Variants in MUSK observed in about 807,000 individuals in gnomAD.
MUSK encodes muscle associated receptor tyrosine kinase, also known as muscle, skeletal receptor tyrosine-protein kinase.
Under a neutral mutation model 88.7 loss-of-function variants are expected in MUSK, and 55 were observed. That is an observed-to-expected ratio of 0.62 (90% CI 0.50 to 0.78). MUSK has a LOEUF of 0.78. Among genes scored for constraint, MUSK ranks in the 30% least tolerant of loss-of-function variants. MUSK has a pLI of 0.00. For synonymous variants in MUSK, 387 were observed against 391.9 expected, an observed-to-expected ratio of 0.99 and a Z score of 0.15; for missense variants, 1,015 against 1,074.3, an observed-to-expected ratio of 0.94 and a Z score of 0.77.
At chr9:110,745,273 G>T (rs1179279068) in intron 6 of MUSK, among the ~76,000 whole-genome samples, 1 of 152,162 alleles carries the variant, frequency 6.6e-6, no homozygotes, top group Non-Finnish European at 1.5e-5. Context: ...ACCTTGAGGA[G>T]GTGTTTAAGA....
chr9:110,694,215 CAA>C (rs1217917603), intron 3 of MUSK, among the ~76,000 whole-genome samples: 2,514 of 72,058 alleles, frequency 0.035, 79 homozygotes, highest in African/African-American at 0.13. Flanking sequence ...ACTAAAAATA[CAA>C]AAAAAAAAAA....
intron 11 of MUSK, among the ~76,000 whole-genome samples, chr9:110,779,058 CTGTGTGTGTGTG>C (rs10680441): frequency 2.0e-5 from 3 of 149,616 alleles, no homozygotes; most frequent in Admixed American, 6.7e-5. Context: ...GTCAGTGTCT[CTGTGTGTGTGTG>C]TGTGTGTGTG....
intron 14 of MUSK, 73 bp downstream of exon 14, chr9:110,787,911 GT>G: frequency 6.6e-7 from 1 of 1,518,226 alleles, no homozygotes; most frequent in African/African-American, 1.4e-5. Context: ...CCCCTTGTTC[GT>G]GCTTTTTCCT....
At chr9:110,678,901 T>G (rs551196836) in intron 1 of MUSK, among the ~76,000 whole-genome samples, 1 of 135,540 alleles carries the variant, frequency 7.4e-6, no homozygotes, top group Admixed American at 7.2e-5. Context: ...ATTTTTTGTT[T>G]TTTTGCTATC....
At chr9:110,724,153 T>C (rs1460399654) in intron 5 of MUSK, among the ~76,000 whole-genome samples, 1 of 152,002 alleles carries the variant, frequency 6.6e-6, no homozygotes. Context: ...TGCCTGTTTG[T>C]TTTATAATTT....
intron 9 of MUSK, among the ~76,000 whole-genome samples, chr9:110,774,570 T>C (rs1292825805): frequency 6.6e-6 from 1 of 152,184 alleles, no homozygotes; most frequent in Admixed American, 6.5e-5. Context: ...AACTATGCTG[T>C]CTGCGTGCAA....
rs190112814 is a variant in MUSK, at chr9:110,681,821, T to C, written c.80-853T>C. Reference sequence around the variant, plus strand: ...GTCTGTTCTAGATGCTCTATAAGTCTGTCACTGACTATTTCACTTCTAAAT... The same window carrying C: ...GTCTGTTCTAGATGCTCTATAAGTCCGTCACTGACTATTTCACTTCTAAAT... On this transcript the variant is annotated intron_variant, in intron 1 of 14. Coordinates refer to ENST00000374448, the MANE Select transcript of MUSK (RefSeq NM_005592.4). 4.8e-4 allele frequency among the ~76,000 whole-genome samples: 73 copies of C among 152,232 alleles called. 1 individual carries two copies. In the East Asian group the frequency reaches 0.013, roughly 27 times the overall value.
chr9:110,737,249 G>C (rs1278176790), intron 6 of MUSK, among the ~76,000 whole-genome samples: 2 of 151,716 alleles, frequency 1.3e-5, no homozygotes, highest in Non-Finnish European at 2.9e-5. Context: ...AACCACTTTG[G>C]TTTGCACCGA....
At chr9:110,781,438 A>C (rs970077001) in intron 11 of MUSK, among the ~76,000 whole-genome samples, 2 of 151,942 alleles carry the variant, frequency 1.3e-5, no homozygotes, top group African/African-American at 4.8e-5. Flanking sequence ...CACCATGCCC[A>C]GCTAATTTTT....
rs768273510 is a variant in MUSK at position 110,697,427 on chromosome 9, G to A, written c.589G>A (p.Gly197Arg). The A allele has an allele frequency of 5.0e-6, 8 of 1,610,260 alleles. No homozygotes were observed. The highest frequency in any genetic ancestry group is 3.3e-5 in the South Asian group (3 of 90,336). ...TCGATGTGTGGCAAAAAACAGCCTC[G>A]GGACAGCATATTCCAAAGTGGTGAA... is the stretch of plus-strand genomic sequence containing the variant. Reference protein sequence around the residue: ...QYRCVAKNSLGTAYSKVVKLE... With the variant: ...QYRCVAKNSLRTAYSKVVKLE... Residue 197 changes from glycine (G) to arginine (R), a missense_variant, in exon 5 of 15, where the codon GGG (glycine) becomes AGG (arginine). Coordinates refer to ENST00000374448, the MANE Select transcript of MUSK (RefSeq NM_005592.4).
chr9:110,676,151 G>A (rs192676736), intron 1 of MUSK, among the ~76,000 whole-genome samples: 1 of 151,630 alleles, frequency 6.6e-6, no homozygotes, highest in African/African-American at 2.4e-5. Context: ...TATTATGAAA[G>A]CAATATGTAT....
At chr9:110,683,928 G>A (rs1395126254) in intron 2 of MUSK, among the ~76,000 whole-genome samples, 1 of 151,962 alleles carries the variant, frequency 6.6e-6, no homozygotes, top group African/African-American at 2.4e-5. Context: ...CATTCTATTT[G>A]TTGTCTCTTC....
At chr9:110,698,493 C>A (rs532669548) in intron 5 of MUSK, among the ~76,000 whole-genome samples, 2 of 152,248 alleles carry the variant, frequency 1.3e-5, no homozygotes, top group African/African-American at 2.4e-5. Context: ...TTCCTTAGGC[C>A]AAAATCTATC....
chr9:110,723,202 C>T, intron 5 of MUSK, among the ~76,000 whole-genome samples: 1 of 150,254 alleles, frequency 6.7e-6, no homozygotes, highest in East Asian at 2.0e-4. Flanking sequence ...CATACATATA[C>T]ACACACACCA....
intron 5 of MUSK, among the ~76,000 whole-genome samples, chr9:110,715,352 A>G (rs1375156112): frequency 6.7e-6 from 1 of 149,656 alleles, no homozygotes; most frequent in South Asian, 2.1e-4. Flanking sequence ...TGGATAAAAA[A>G]CCTGAAGTTC....
At position 110,806,483 on chromosome 9, in the gene MUSK, A is replaced by G. The variant is rs2078163717; in HGVS notation, c.*5495A>G. On this transcript the variant is annotated 3_prime_UTR_variant, in exon 15 of 15. Transcript: ENST00000374448. ...GCATTTTGTTCTGGAACAAATTAAG[A>G]TTTAGGTGCTTTGACTAGATTGATT... Among the ~76,000 whole-genome samples the G allele has an allele frequency of 6.6e-6, 1 of 152,276 alleles. No homozygotes were observed. The highest frequency in any genetic ancestry group is 1.9e-4 in the East Asian group (1 of 5,186).
rs142185975 is a variant in MUSK, at chr9:110,711,979, T to C, written c.628+14513T>C. On this transcript the variant is annotated intron_variant, in intron 5 of 14. Transcript: ENST00000374448. ...TCGTTCTCCTCCATAGACTTGCAAA[T>C]GAATTCTGTCCAGTGGAAAAGCAAC... 7.8e-3 allele frequency among the ~76,000 whole-genome samples: 1,187 copies of C among 152,232 alleles called. 5 individuals carry two copies. The highest frequency in any genetic ancestry group is 0.012 in the Non-Finnish European group (818 of 68,008).
At chr9:110,724,241 C>T (rs2076854852) in intron 5 of MUSK, among the ~76,000 whole-genome samples, 1 of 151,860 alleles carries the variant, frequency 6.6e-6, no homozygotes, top group East Asian at 1.9e-4. Flanking sequence ...GTAAATTAAT[C>T]CCCCAGTTAC....
intron 14 of MUSK, among the ~76,000 whole-genome samples, chr9:110,790,472 C>G (rs2077954396): frequency 6.6e-6 from 1 of 152,162 alleles, no homozygotes; most frequent in Non-Finnish European, 1.5e-5. Context: ...AAATTGATGA[C>G]AGGGTTGGCA....
Sources: gnomAD v4.1 joint callset for allele counts (sites outside exome capture counted in the v4.1 genomes callset) on GRCh38, gnomAD v4.1.1 for gene constraint, MANE v1.5 for transcripts, NCBI Gene and HGNC (gene_info 2026-07-23, HGNC 2026-07-21) for gene names.